Variants in MCOLN2 observed in about 807,000 individuals in gnomAD.
MCOLN2 encodes mucolipin TRP cation channel 2.
In MCOLN2, 57 loss-of-function variants were observed where a neutral mutation model predicts 67.5. That is an observed-to-expected ratio of 0.84 (90% CI 0.68 to 1.05). The LOEUF is 1.05. MCOLN2 is among the 50% of genes least tolerant of loss of function. MCOLN2 has a pLI of 0.00. For missense variants in MCOLN2, 620 were observed against 678.8 expected (o/e 0.91, Z 0.96); for synonymous variants, 246 against 233.3 (o/e 1.05, Z -0.50).
At chr1:84,950,164 A>G in intron 6 of MCOLN2, among the ~76,000 whole-genome samples, 1 of 152,256 alleles carries the variant, frequency 6.6e-6, no homozygotes, top group East Asian at 1.9e-4. Flanking sequence ...AATTAAGGCA[A>G]CAAAGAGAAT....
At chr1:84,972,636 G>A (rs187238192) in intron 1 of MCOLN2, among the ~76,000 whole-genome samples, 27 of 152,304 alleles carry the variant, frequency 1.8e-4, no homozygotes, top group Admixed American at 1.6e-3. Context: ...AGGACTATGA[G>A]GTTGGCATTA....
intron 1 of MCOLN2, among the ~76,000 whole-genome samples, chr1:84,966,750 A>G (rs1318695586): frequency 6.6e-6 from 1 of 152,236 alleles, no homozygotes; most frequent in Admixed American, 6.5e-5. Flanking sequence ...GAATGGGCAC[A>G]TGACTCAAGG....
At chr1:84,944,989 C>T (rs1648010817) in intron 7 of MCOLN2, among the ~76,000 whole-genome samples, 1 of 152,218 alleles carries the variant, frequency 6.6e-6, no homozygotes, top group African/African-American at 2.4e-5. Flanking sequence ...TTTCACATCA[C>T]ATCATCTTAT....
chr1:84,964,584 T>G (rs926773990), intron 2 of MCOLN2, among the ~76,000 whole-genome samples: 6 of 152,102 alleles, frequency 3.9e-5, no homozygotes, highest in African/African-American at 1.4e-4. Flanking sequence ...AGTTGTGCAT[T>G]TTATTTCTAT....
intron 1 of MCOLN2, among the ~76,000 whole-genome samples, chr1:84,967,713 A>AAGGGAAGGAAGG (rs916032134): frequency 6.9e-6 from 1 of 144,098 alleles, no homozygotes; most frequent in African/African-American, 2.5e-5. Context: ...AGAAGAAGAG[A>AAGGGAAGGAAGG]AGGGAAGGAA....
At chr1:84,941,115 T>TA (rs941874836) in intron 7 of MCOLN2, 124 bp from the exon 8 acceptor site, 3 of 639,752 alleles carry the variant, frequency 4.7e-6, no homozygotes, top group Non-Finnish European at 5.4e-6. Flanking sequence ...AACAAAATGG[T>TA]AAATATCAGA....
intron 12 of MCOLN2, 117 bp downstream of exon 12, chr1:84,931,245 C>A: frequency 1.4e-6 from 1 of 710,894 alleles, no homozygotes; most frequent in East Asian, 2.7e-5. Flanking sequence ...AAAAGTTTGT[C>A]CACAAAACCT....
intron 1 of MCOLN2, among the ~76,000 whole-genome samples, chr1:84,968,087 G>A (rs1318385383): frequency 3.9e-5 from 6 of 152,134 alleles, no homozygotes; most frequent in East Asian, 1.9e-4. Flanking sequence ...CTCAGGAAAC[G>A]GGAACAAGAG....
chr1:84,956,158 A>AAC (rs1238308091), intron 4 of MCOLN2, among the ~76,000 whole-genome samples: 1 of 151,656 alleles, frequency 6.6e-6, no homozygotes, highest in Non-Finnish European at 1.5e-5. Flanking sequence ...CATAGGGAAA[A>AAC]AAAAACAAAA....
Position 84,965,692 on chromosome 1 carries a change from G to T in MCOLN2, c.94C>A (p.Arg32Ser), listed in dbSNP as rs148108587. The T allele has an allele frequency of 1.2e-6, 2 of 1,612,870 alleles. No individual in the cohort carries two copies. Among genetic ancestry groups the T allele is most frequent in the Non-Finnish European group, 8.5e-7 (1 of 1,179,644 alleles). Reference sequence around the variant, plus strand: ...CATTCTTCTTTCATCTCAGAATCACGATGTGCCATTGCATTTCTGCCACAG... The same window carrying T: ...CATTCTTCTTTCATCTCAGAATCACTATGTGCCATTGCATTTCTGCCACAG... ...RLTVRNAMAH[R>S]DSEMKEECLR... Residue 32 changes from arginine to serine, a missense_variant, in exon 2 of 14, where the codon CGT (arginine) becomes AGT (serine). Transcript: ENST00000370608.
intron 6 of MCOLN2, among the ~76,000 whole-genome samples, 169 bp downstream of exon 6, chr1:84,952,074 G>A (rs561907862): frequency 2.2e-4 from 33 of 151,898 alleles, no homozygotes; most frequent in African/African-American, 6.8e-4. Flanking sequence ...GTGACAGAGC[G>A]AGACTATGTA....
At chr1:84,976,682 C>T (rs1046618638) in intron 1 of MCOLN2, among the ~76,000 whole-genome samples, 1 of 152,266 alleles carries the variant, frequency 6.6e-6, no homozygotes, top group African/African-American at 2.4e-5. Flanking sequence ...AGGAGAATTG[C>T]TTGAACTCAG....
At chr1:84,943,305 T>G (rs1043663386) in intron 7 of MCOLN2, among the ~76,000 whole-genome samples, 1 of 152,134 alleles carries the variant, frequency 6.6e-6, no homozygotes, top group African/African-American at 2.4e-5. Context: ...TTGGGCAAAC[T>G]GAGTTTACTC....
chr1:84,939,550 C>A lies in MCOLN2; in HGVS notation c.1110+3G>T. The A allele has an allele frequency of 6.2e-7, 1 of 1,613,804 alleles. No homozygotes were observed. The highest frequency in any genetic ancestry group is 8.5e-7 in the Non-Finnish European group (1 of 1,179,900). ...ACAGAGACTTTAAATGGGCTTCCCT[C>A]ACCTTTGCTTTGATTTCCATTTTTA... On this transcript the variant is annotated splice_donor_region_variant and intron_variant, in intron 9 of 13. Coordinates refer to ENST00000370608, the MANE Select transcript of MCOLN2 (RefSeq NM_153259.4).
intron 6 of MCOLN2, among the ~76,000 whole-genome samples, chr1:84,948,919 C>T (rs1011097316): frequency 6.6e-6 from 1 of 152,166 alleles, no homozygotes; most frequent in Non-Finnish European, 1.5e-5. Context: ...CATTTTAGGT[C>T]AGGAGGTTGA....
chr1:84,995,480 C>T (rs183233390), intron 1 of MCOLN2, among the ~76,000 whole-genome samples: 33 of 152,316 alleles, frequency 2.2e-4, no homozygotes, highest in Admixed American at 4.6e-4. Context: ...AACTGACACA[C>T]GGAACTTAGA....
chr1:84,942,337 T>G (rs1432119973), intron 7 of MCOLN2, among the ~76,000 whole-genome samples: 1 of 152,096 alleles, frequency 6.6e-6, no homozygotes, highest in Non-Finnish European at 1.5e-5. Flanking sequence ...AAGAACATGG[T>G]CTCTGGAGCC....
Position 84,965,573 on chromosome 1 carries a change from C to A in MCOLN2, c.213G>T (p.Leu71Phe), listed in dbSNP as rs1221098028. The A allele has an allele frequency of 7.4e-6, 12 of 1,613,920 alleles. No homozygotes were observed. Among genetic ancestry groups the A allele is most frequent in the Non-Finnish European group, 8.5e-6 (10 of 1,179,964 alleles). The change falls in exon 2 of 14, where the codon TTG becomes TTT. Residue 71 changes from leucine (L) to phenylalanine (F), a missense_variant. Leu to Phe is a conservative substitution (Grantham distance 22). Coordinates refer to ENST00000370608, the MANE Select transcript of MCOLN2 (RefSeq NM_153259.4). The stretch of plus-strand genomic sequence containing the variant: ...CCTGTGTGGTGACCATGACTATCTT[C>A]AAAATCTGCAAACCCAGTTTCCACG... ...QIPWKLGLQI[L>F]KIVMVTTQLV...
Position 84,931,419 on chromosome 1 carries a change from T to C in MCOLN2, c.1485A>G (p.Ile495Met), listed in dbSNP as rs1009641394. 9 of 1,598,968 alleles carry C rather than the reference T, an allele frequency of 5.6e-6. No homozygotes were observed. The highest frequency in any genetic ancestry group is 2.2e-5 in the East Asian group (1 of 44,788). ...LYLYSFISLF[I>M]YMILSLFIAL... ...CAATAAAAAGACTGAGAATCATATA[T>C]ATAAAAAGGCTGATGAAGGAATATA... Residue 495 changes from isoleucine (I) to methionine (M), a missense_variant, in exon 12 of 14, where the codon ATA becomes ATG. Physicochemically the swap from Ile to Met is conservative, Grantham distance 10 (BLOSUM62 1). Transcript: ENST00000370608.
Sources: allele counts gnomAD v4.1 joint callset (sites outside exome capture counted in the v4.1 genomes callset), GRCh38; gene constraint gnomAD v4.1.1; transcripts MANE v1.5; gene names NCBI Gene and HGNC (gene_info 2026-07-23, HGNC 2026-07-21).